Variants in CHCHD3 observed in about 807,000 individuals in gnomAD.
The protein encoded by CHCHD3 is coiled-coil-helix-coiled-coil-helix domain containing 3.
A neutral mutation model predicts 38.2 loss-of-function variants in CHCHD3; 20 were observed. The ratio of observed to expected loss-of-function variants is 0.52; its 90% CI spans 0.37 to 0.76. CHCHD3 has a LOEUF of 0.76. CHCHD3 is among the 30% of genes least tolerant of loss of function. CHCHD3 has a pLI of 0.00. For missense variants in CHCHD3, 245 were observed against 279.2 expected (o/e 0.88, Z 0.87); for synonymous variants, 82 against 100.0 (o/e 0.82, Z 1.07).
chr7:132,998,618 G>C (rs1812487023), intron 3 of CHCHD3, among the ~76,000 whole-genome samples: 1 of 152,178 alleles, frequency 6.6e-6, no homozygotes. Context: ...ACAATGGGTA[G>C]TCTAGCTTCA....
intron 4 of CHCHD3, among the ~76,000 whole-genome samples, chr7:132,929,910 T>C (rs760921131): frequency 2.6e-5 from 4 of 152,172 alleles, no homozygotes; most frequent in Non-Finnish European, 4.4e-5. Flanking sequence ...GGCATATTAT[T>C]TCCTGCATGA....
At chr7:132,806,227 G>A (rs1806916565) in intron 6 of CHCHD3, among the ~76,000 whole-genome samples, 2 of 152,206 alleles carry the variant, frequency 1.3e-5, no homozygotes, top group Admixed American at 1.3e-4. Flanking sequence ...AATGGCCAAG[G>A]AATGTGCTCC....
chr7:132,885,112 C>T (rs1809171105), intron 5 of CHCHD3, among the ~76,000 whole-genome samples: 1 of 151,932 alleles, frequency 6.6e-6, no homozygotes, highest in Admixed American at 6.6e-5. Context: ...ATCAGCCAGG[C>T]ATGGTGGTGC....
intron 3 of CHCHD3, among the ~76,000 whole-genome samples, chr7:132,994,298 A>T (rs558845109): frequency 2.6e-4 from 40 of 152,334 alleles, no homozygotes; most frequent in African/African-American, 6.7e-4. Context: ...GTAGCTCACT[A>T]ATAATAATCA....
chr7:132,962,564 G>A (rs577692383), intron 4 of CHCHD3, among the ~76,000 whole-genome samples: 12 of 152,272 alleles, frequency 7.9e-5, no homozygotes, highest in African/African-American at 2.9e-4. Context: ...CAAAAAATAG[G>A]AAGAGTTTAT....
intron 6 of CHCHD3, among the ~76,000 whole-genome samples, chr7:132,808,918 G>A (rs535860660): frequency 7.8e-6 from 1 of 128,036 alleles, no homozygotes; most frequent in South Asian, 2.5e-4. Context: ...ATCATTCTCA[G>A]TAAACTATCG....
chr7:132,853,024 G>A lies in CHCHD3; in HGVS notation c.454-14555C>T, dbSNP rs140281141. Among the ~76,000 whole-genome samples, 147 of 152,290 alleles carry A rather than the reference G, an allele frequency of 9.7e-4. 1 individual carries two copies. In the East Asian group the frequency reaches 0.027, roughly 28 times the overall value. On this transcript the variant is annotated intron_variant, in intron 5 of 7. Transcript: ENST00000262570. ...TGTGCTCCTCAGCACCAGATGAGCT[G>A]TAATTCCAGCAGAATCAAATCTATT... is the stretch of plus-strand genomic sequence containing the variant.
rs1585690407 is a variant in CHCHD3 at position 132,975,032 on chromosome 7, C to T, written c.369+137G>A. ...TAAACTGTAAGCTACTTATAAAAGG[C>T]AAAAATCAAAATCTGAGCAAAGAGA... On this transcript the variant is annotated intron_variant, in intron 4 of 7. Coordinates refer to ENST00000262570, the MANE Select transcript of CHCHD3 (RefSeq NM_017812.4). 6 of 706,282 alleles carry T rather than the reference C, an allele frequency of 8.5e-6. No individual in the cohort carries two copies. In the Admixed American group the frequency reaches 1.2e-4, roughly 15 times the overall value. 43.8% of individuals were successfully genotyped at this position (706,282 alleles called of 1,614,324 possible).
Position 133,021,477 on chromosome 7 carries a change from T to C in CHCHD3, c.251+3069A>G, listed in dbSNP as rs573436089. 1.3e-3 allele frequency among the ~76,000 whole-genome samples: 205 copies of C among 152,330 alleles called. 1 individual carries two copies. Among genetic ancestry groups the C allele is most frequent in the African/African-American group, 3.8e-3 (157 of 41,570 alleles). On this transcript the variant is annotated intron_variant, in intron 3 of 7. Transcript: ENST00000262570. ...GCTAATGGTTTTCTAAGTCTTCCAT[T>C]TGTTTCTTTTGAGCTATATATCCTT...
chr7:132,787,519 G>A lies in CHCHD3; in HGVS notation c.661-1859C>T, dbSNP rs1232578539. On this transcript the variant is annotated intron_variant, in intron 7 of 7. Transcript: ENST00000262570. Reference sequence around the variant, plus strand: ...AAGTCAGTGGGAGCCTGGGAAGGAGGAGGATGACTTAAATTTTGGGTTTGT... The same window carrying A: ...AAGTCAGTGGGAGCCTGGGAAGGAGAAGGATGACTTAAATTTTGGGTTTGT... 3.9e-5 allele frequency among the ~76,000 whole-genome samples: 6 copies of A among 152,018 alleles called. No homozygotes were observed. The East Asian group carries it at 1.2e-3, about 29-fold the overall frequency.
At chr7:133,038,304 T>G (rs76805965) in intron 2 of CHCHD3, among the ~76,000 whole-genome samples, 5,552 of 152,200 alleles carry the variant, frequency 0.036, 290 homozygotes, top group African/African-American at 0.12. Context: ...TCATATACCT[T>G]TATAACATTT....
rs568153166 is a variant in CHCHD3 at position 132,892,180 on chromosome 7, T to C, written c.370-6435A>G. ...GATCTCAGAAGATGAAAGGAAGATA[T>C]GGGAAAGTCTGGAACTTCTGAGAGA... On this transcript the variant is annotated intron_variant, in intron 4 of 7. Transcript: ENST00000262570. Among the ~76,000 whole-genome samples the C allele has an allele frequency of 4.6e-5, 7 of 152,234 alleles. No homozygotes were observed. The East Asian group carries it at 1.4e-3, about 29-fold the overall frequency.
chr7:132,873,566 A>G (rs6957162), intron 5 of CHCHD3, among the ~76,000 whole-genome samples: 147,600 of 151,876 alleles, frequency 0.97, 71,873 homozygotes, highest in Middle Eastern at 1. Flanking sequence ...GGCGGGTGCC[A>G]ATGGTGGATG....
intron 3 of CHCHD3, among the ~76,000 whole-genome samples, chr7:132,996,667 T>A (rs1008255784): frequency 2.0e-5 from 3 of 152,188 alleles, no homozygotes; most frequent in Admixed American, 1.3e-4. Flanking sequence ...GTTACAGAAT[T>A]GGCAATCCTT....
chr7:133,022,662 C>G (rs547129980), intron 3 of CHCHD3, among the ~76,000 whole-genome samples: 1 of 152,180 alleles, frequency 6.6e-6, no homozygotes, highest in East Asian at 1.9e-4. Flanking sequence ...CTGTACCACC[C>G]TCTGCTCTCC....
At chr7:132,837,312 T>A (rs1807810389) in intron 6 of CHCHD3, among the ~76,000 whole-genome samples, 1 of 152,122 alleles carries the variant, frequency 6.6e-6, no homozygotes, top group Non-Finnish European at 1.5e-5. Context: ...TAAAATAATA[T>A]ATGTAGAGTA....
intron 4 of CHCHD3, among the ~76,000 whole-genome samples, chr7:132,945,084 C>CT (rs1562916684): frequency 6.6e-6 from 1 of 151,792 alleles, no homozygotes; most frequent in East Asian, 1.9e-4. Flanking sequence ...TTCCCTTCTA[C>CT]TTTTTTCTCT....
intron 3 of CHCHD3, among the ~76,000 whole-genome samples, chr7:132,986,068 C>A (rs1432896513): frequency 6.7e-6 from 1 of 150,218 alleles, no homozygotes; most frequent in African/African-American, 2.4e-5. Flanking sequence ...AAGAAAAATT[C>A]TTCTGCCTTG....
chr7:132,917,294 C>CAA (rs11329832), intron 4 of CHCHD3, among the ~76,000 whole-genome samples: 2 of 147,024 alleles, frequency 1.4e-5, no homozygotes, highest in African/African-American at 5.0e-5. Flanking sequence ...TGAATTCTTA[C>CAA]AAAAAAAAAA....
Sources: gnomAD v4.1 joint callset for allele counts (sites outside exome capture counted in the v4.1 genomes callset) on GRCh38, gnomAD v4.1.1 for gene constraint, MANE v1.5 for transcripts, NCBI Gene and HGNC (gene_info 2026-07-23, HGNC 2026-07-21) for gene names.